The following ZNF488 variants were observed in gnomAD, a reference collection of about 807,000 sequenced individuals.
ZNF488 encodes the protein zinc finger protein 488.
ZNF488 carries 1 observed loss-of-function variant against 1.2 expected under a neutral mutation model. The observed-to-expected ratio is 0.86, with a 90% CI of 0.30 to 4.07. The LOEUF is 4.07. Ranked by LOEUF, ZNF488 falls within the 30% of genes most tolerant of loss-of-function variation. The pLI, the probability that ZNF488 is intolerant of heterozygous loss-of-function variation, is 0.18. For missense variants in ZNF488, 450 were observed against 437.9 expected (o/e 1.03, Z -0.25); for synonymous variants, 185 against 190.1 (o/e 0.97, Z 0.22).
At chr10:47,378,860 C>A (rs1837796958) in intron 1 of ZNF488, among the ~76,000 whole-genome samples, 1 of 152,328 alleles carries the variant, frequency 6.6e-6, no homozygotes, top group South Asian at 2.1e-4. Flanking sequence ...GGCTCCACAC[C>A]ACTCCTGATG....
At position 47,383,881 on chromosome 10, in the gene ZNF488, CAG is replaced by C. The variant is rs202076288; in HGVS notation, c.-109+337_-109+338del. On this transcript the variant is annotated intron_variant, in intron 1 of 1. Transcript: ENST00000585316. ...GCAGAATTCTTGAGTGCTGAAAAAACAGGGGGGAGAGGGAGAAGGTAGGGGAG... is the reference window on the plus strand; with the variant it reads ...GCAGAATTCTTGAGTGCTGAAAAAACGGGGGAGAGGGAGAAGGTAGGGGAG... Among the ~76,000 whole-genome samples the C allele has an allele frequency of 4.2e-3, 640 of 151,552 alleles. 8 individuals carry two copies. Among genetic ancestry groups the C allele is most frequent in the African/African-American group, 0.015 (604 of 41,302 alleles).
At chr10:47,383,883 G>T (rs1838079557) in intron 1 of ZNF488, among the ~76,000 whole-genome samples, 1 of 150,804 alleles carries the variant, frequency 6.6e-6, no homozygotes, top group South Asian at 2.1e-4. Context: ...TGAAAAAACA[G>T]GGGGGAGAGG....
chr10:47,368,904 T>A lies in ZNF488; in HGVS notation c.-75A>T. On this transcript the variant is annotated 5_prime_UTR_variant, in exon 2 of 2. The change abolishes an upstream ATG in the 5' untranslated region. Transcript: ENST00000585316. ...AGCCATGAGATATGGAAGCTCCCCA[T>A]GACACTGGGCTGGACACACTCGGCC... The A allele has an allele frequency of 6.6e-7, 1 of 1,507,710 alleles. No homozygotes were observed. Among genetic ancestry groups the A allele is most frequent in the Non-Finnish European group, 8.9e-7 (1 of 1,126,794 alleles). 93.4% of individuals were successfully genotyped at this position (1,507,710 alleles called of 1,614,324 possible).
At chr10:47,373,186 A>T (rs1555214053) in intron 1 of ZNF488, among the ~76,000 whole-genome samples, 1 of 152,216 alleles carries the variant, frequency 6.6e-6, no homozygotes, top group East Asian at 1.9e-4. Flanking sequence ...ATGTGGCAAA[A>T]GTTAGACACA....
chr10:47,369,283 C>T (rs868938012), intron 1 of ZNF488, among the ~76,000 whole-genome samples: 3 of 152,106 alleles, frequency 2.0e-5, no homozygotes, highest in Non-Finnish European at 2.9e-5. Flanking sequence ...GGGAAAGAGC[C>T]TGCTCTGGGG....
intron 1 of ZNF488, among the ~76,000 whole-genome samples, chr10:47,373,124 GTCTCAAAAA>G (rs376867468): frequency 6.6e-6 from 1 of 152,264 alleles, no homozygotes; most frequent in African/African-American, 2.4e-5. Flanking sequence ...CCCTCACAGA[GTCTCAAAAA>G]TAAAGGCTCT....
intron 1 of ZNF488, among the ~76,000 whole-genome samples, chr10:47,377,438 G>A (rs940220706): frequency 6.6e-6 from 1 of 152,052 alleles, no homozygotes; most frequent in South Asian, 2.1e-4. Flanking sequence ...AGAGTCCATC[G>A]CTGTGGTTTG....
chr10:47,367,088 TG>T lies in ZNF488; in HGVS notation c.*718del, dbSNP rs1466874915. On this transcript the variant is annotated 3_prime_UTR_variant, in exon 2 of 2. Transcript: ENST00000585316. ...TGTGCTTGTTAGACTCACCCTCCTG[TG>T]TTCTTGGCATGACCACGAGAGAAGC... 1.8e-5 allele frequency: 3 copies of T among 167,132 alleles called. No individual in the cohort carries two copies. The highest frequency in any genetic ancestry group is 7.2e-5 in the African/African-American group (3 of 41,454). The allele number at this position is 167,132 out of a possible 1,614,324, so 10.4% of individuals were successfully genotyped here. A position where few individuals can be genotyped will look rare whatever the true frequency, so the allele number is the denominator to read the frequency against.
rs1555213395 is a variant in ZNF488, at chr10:47,368,707, C to T, written c.123G>A (p.Leu41=). The change falls in exon 2 of 2, where the codon CTG becomes CTA. Residue 41 remains leucine (L), a synonymous_variant. Transcript: ENST00000585316. The part of the protein sequence containing the change: ...ENRWRLSEPE[L]GRGCKPVLLE... ...GCAGCACTGGCTTGCAGCCCCGGCC[C>T]AGCTCAGGTTCGCTAAGTCGCCATC... is the stretch of plus-strand genomic sequence containing the variant. The T allele has an allele frequency of 3.1e-6, 5 of 1,613,000 alleles. No homozygotes were observed. Among genetic ancestry groups the T allele is most frequent in the Non-Finnish European group, 3.4e-6 (4 of 1,180,046 alleles).
Position 47,368,239 on chromosome 10 carries a change from G to A in ZNF488, c.591C>T (p.Asn197=), listed in dbSNP as rs782230125. The A allele has an allele frequency of 1.2e-6, 2 of 1,614,250 alleles. No individual in the cohort carries two copies. The highest frequency in any genetic ancestry group is 1.1e-5 in the South Asian group (1 of 91,092). The change falls in exon 2 of 2, where the codon AAC becomes AAT. Residue 197 remains asparagine (N), a synonymous_variant. Coordinates refer to ENST00000585316, the MANE Select transcript of ZNF488 (RefSeq NM_153034.4). ...GACCCCAACAAGCGAGGTCTGTAGT[G>A]TTGAGGAGTCCAGACAGCTCCCCCA... ...DALGELSGLL[N]TTDLACWGRL... is the part of the protein sequence containing the mutation.
chr10:47,372,240 G>C (rs782452143), intron 1 of ZNF488, among the ~76,000 whole-genome samples: 30 of 152,292 alleles, frequency 2.0e-4, no homozygotes, highest in Non-Finnish European at 3.2e-4. Flanking sequence ...GGAGTTCAGA[G>C]TAGGAAGGTC....
intron 1 of ZNF488, among the ~76,000 whole-genome samples, chr10:47,378,906 A>G (rs541172395): frequency 2.0e-4 from 30 of 152,220 alleles, no homozygotes; most frequent in African/African-American, 6.7e-4. Flanking sequence ...GGGGTGCCTG[A>G]CGTCAGAGGT....
intron 1 of ZNF488, among the ~76,000 whole-genome samples, chr10:47,377,537 A>G (rs891640104): frequency 1.6e-4 from 24 of 152,062 alleles, no homozygotes; most frequent in African/African-American, 5.3e-4. Context: ...GAACAATAAC[A>G]ATCAAACACA....
intron 1 of ZNF488, among the ~76,000 whole-genome samples, chr10:47,376,721 G>A (rs533630764): frequency 6.6e-6 from 1 of 152,284 alleles, no homozygotes; most frequent in East Asian, 1.9e-4. Flanking sequence ...AGCAGAATGG[G>A]GGCTCAAGCC....
At chr10:47,380,556 G>A (rs1023096802) in intron 1 of ZNF488, among the ~76,000 whole-genome samples, 6 of 152,202 alleles carry the variant, frequency 3.9e-5, no homozygotes, top group Admixed American at 2.0e-4. Context: ...CATCCTGGGA[G>A]ATGAAGCCTC....
intron 1 of ZNF488, among the ~76,000 whole-genome samples, chr10:47,383,939 GGAGA>G (rs1458403421): frequency 1.3e-5 from 2 of 152,048 alleles, no homozygotes; most frequent in East Asian, 3.9e-4. Flanking sequence ...AAAGAGAGAG[GGAGA>G]GAGACTGACA....
chr10:47,368,659 G>A lies in ZNF488; in HGVS notation c.171C>T (p.Gly57=). The change falls in exon 2 of 2, where the codon GGC becomes GGT. Residue 57 remains glycine (G), a synonymous_variant. Coordinates refer to ENST00000585316, the MANE Select transcript of ZNF488 (RefSeq NM_153034.4). ...PVLLEKTNRL[G]PEAAVGRAGR... is the part of the protein sequence containing the mutation. ...CCGCCCTGCCCACAGCAGCCTCAGG[G>A]CCCAGGCGGTTCGTCTTCTCGAGCA... 6.2e-7 allele frequency: 1 copy of A among 1,611,834 alleles called. No individual in the cohort carries two copies. The highest frequency in any genetic ancestry group is 8.5e-7 in the Non-Finnish European group (1 of 1,179,968).
At position 47,367,812 on chromosome 10, in the gene ZNF488, T is replaced by G; in HGVS notation, c.1018A>C (p.Ser340Arg). 6.2e-7 allele frequency: 1 copy of G among 1,609,216 alleles called. No homozygotes were observed. Residue 340 changes from serine to arginine, a missense_variant, in exon 2 of 2, where the codon AGC becomes CGC. Ser to Arg is a moderately radical substitution (Grantham distance 110, BLOSUM62 -1). Transcript: ENST00000585316. ...GGTCATTCTGCGGTCACCTGCTAGC[T>G]GTGAGAAGTCATGTGCCGGGAGAGG... ...HHLSRHMTSHS is the reference protein window; with the variant it reads ...HHLSRHMTSHR
At chr10:47,373,374 A>G (rs1234130069) in intron 1 of ZNF488, among the ~76,000 whole-genome samples, 2 of 152,210 alleles carry the variant, frequency 1.3e-5, no homozygotes, top group Non-Finnish European at 2.9e-5. Context: ...TTAATAATAC[A>G]CAGGAATACC....
Sources: allele counts gnomAD v4.1 joint callset (sites outside exome capture counted in the v4.1 genomes callset), GRCh38; gene constraint gnomAD v4.1.1; transcripts MANE v1.5; gene names NCBI Gene and HGNC (gene_info 2026-07-23, HGNC 2026-07-21).